NCKAP5: variants seen among roughly 807,000 people sequenced by gnomAD.
NCKAP5 encodes nck-associated protein 5.
In NCKAP5, 92 loss-of-function variants were observed where a neutral mutation model predicts 167.0. That is an observed-to-expected ratio of 0.55 (90% confidence interval 0.47 to 0.66). NCKAP5 has a LOEUF of 0.66. NCKAP5 is among the 30% of genes least tolerant of loss of function. NCKAP5 has a pLI of 0.00. For missense variants in NCKAP5, 2,378 were observed against 2,315.0 expected (o/e 1.03, Z -0.56); for synonymous variants, 891 against 877.4 (o/e 1.02, Z -0.27).
intron 11 of NCKAP5, among the ~76,000 whole-genome samples, chr2:132,848,790 A>G (rs1190778206): frequency 6.6e-6 from 1 of 152,120 alleles, no homozygotes; most frequent in African/African-American, 2.4e-5. Flanking sequence ...ACCTTTGAAT[A>G]GTTGCTGCAC....
At chr2:133,363,801 T>C (rs1244421656) in intron 3 of NCKAP5, among the ~76,000 whole-genome samples, 1 of 152,132 alleles carries the variant, frequency 6.6e-6, no homozygotes, top group Non-Finnish European at 1.5e-5. Context: ...ATGACAGTAG[T>C]AATTATACCT....
At chr2:132,940,319 T>C (rs1249818400) in intron 8 of NCKAP5, among the ~76,000 whole-genome samples, 2 of 152,184 alleles carry the variant, frequency 1.3e-5, no homozygotes, top group African/African-American at 4.8e-5. Context: ...AGACTAGAGA[T>C]GGTCCTCAAG....
chr2:132,834,071 A>G (rs1361555290), intron 11 of NCKAP5, among the ~76,000 whole-genome samples: 1 of 152,136 alleles, frequency 6.6e-6, no homozygotes, highest in African/African-American at 2.4e-5. Context: ...TATATCCTGA[A>G]ACTTTACTGA....
intron 3 of NCKAP5, among the ~76,000 whole-genome samples, chr2:133,394,446 G>T (rs1158240776): frequency 6.6e-6 from 1 of 152,172 alleles, no homozygotes; most frequent in Non-Finnish European, 1.5e-5. Context: ...CATTGAAAGA[G>T]GCAGGTGTGG....
chr2:133,097,512 TG>T (rs2081379687), intron 6 of NCKAP5, among the ~76,000 whole-genome samples: 1 of 152,194 alleles, frequency 6.6e-6, no homozygotes, highest in Non-Finnish European at 1.5e-5. Flanking sequence ...AGAGTAAAAC[TG>T]TAAGCTCCTA....
chr2:132,955,759 T>C (rs1006948612), intron 8 of NCKAP5, among the ~76,000 whole-genome samples: 7 of 152,212 alleles, frequency 4.6e-5, no homozygotes, highest in Admixed American at 6.5e-5. Flanking sequence ...ATTGAACTAA[T>C]TTACACTCCC....
At chr2:133,222,522 T>C (rs1160524404) in intron 4 of NCKAP5, among the ~76,000 whole-genome samples, 4 of 152,198 alleles carry the variant, frequency 2.6e-5, no homozygotes, top group East Asian at 3.8e-4. Flanking sequence ...AAGGCAAATA[T>C]CATCTTAGTA....
chr2:132,814,867 T>G (rs1417351270), intron 11 of NCKAP5, among the ~76,000 whole-genome samples: 3 of 152,200 alleles, frequency 2.0e-5, no homozygotes, highest in Non-Finnish European at 4.4e-5. Flanking sequence ...TTTCCATTGT[T>G]TTTGCTTCAG....
chr2:133,174,627 T>G (rs2084378769), intron 5 of NCKAP5, among the ~76,000 whole-genome samples: 1 of 152,136 alleles, frequency 6.6e-6, no homozygotes, highest in Non-Finnish European at 1.5e-5. Context: ...GCATTCTGTG[T>G]CCTTTTGAGA....
chr2:132,854,369 A>G (rs2105501682), intron 11 of NCKAP5, among the ~76,000 whole-genome samples: 1 of 152,376 alleles, frequency 6.6e-6, no homozygotes, highest in East Asian at 1.9e-4. Context: ...ACAAAGTAAC[A>G]TATCAATGCT....
intron 3 of NCKAP5, among the ~76,000 whole-genome samples, chr2:133,498,272 C>T (rs377179606): frequency 1.3e-5 from 2 of 152,072 alleles, no homozygotes; most frequent in African/African-American, 4.8e-5. Flanking sequence ...CTGCAAAAGG[C>T]TGGGGAGGGG....
chr2:132,833,935 T>G (rs1211849435), intron 11 of NCKAP5, among the ~76,000 whole-genome samples: 1 of 152,174 alleles, frequency 6.6e-6, no homozygotes, highest in East Asian at 1.9e-4. Context: ...ATTGAATCTC[T>G]AGATTAGGGT....
chr2:132,766,753 A>T (rs1350876391), intron 16 of NCKAP5, among the ~76,000 whole-genome samples: 1 of 152,228 alleles, frequency 6.6e-6, no homozygotes, highest in Non-Finnish European at 1.5e-5. Context: ...CACAGCCATC[A>T]ACATTCTGGC....
Position 132,783,489 on chromosome 2 carries a change from T to G in NCKAP5, c.3322A>C (p.Asn1108His). 1 of 1,604,264 alleles carries G rather than the reference T, an allele frequency of 6.2e-7. No homozygotes were observed. The highest frequency in any genetic ancestry group is 8.5e-7 in the Non-Finnish European group (1 of 1,175,286). ...CTGACCTGAGATGATGGTGACTCAT[T>G]TACCCCTAAGAAGGAAGGCTTGGGG... ...TPPKPSFLGV[N>H]ESPSSQVSSS... Residue 1108 changes from asparagine to histidine, a missense_variant, in exon 14 of 20, where the codon AAT becomes CAT. Around this residue, in one of 3 missense-constraint regions of NCKAP5, gnomAD observed 1,325 missense variants for 1,274.5 expected, o/e 1.04. Coordinates refer to ENST00000409261, the MANE Select transcript of NCKAP5 (RefSeq NM_207363.3).
chr2:133,634,944 T>C, the NCKAP5 span, among the ~76,000 whole-genome samples: 1 of 151,996 alleles, frequency 6.6e-6, no homozygotes, highest in Non-Finnish European at 1.5e-5. Flanking sequence ...CTTGGCTCAC[T>C]GCAACCTCTG....
intron 3 of NCKAP5, among the ~76,000 whole-genome samples, chr2:133,415,360 C>A (rs1200887636): frequency 2.6e-5 from 4 of 152,204 alleles, no homozygotes; most frequent in Non-Finnish European, 5.9e-5. Flanking sequence ...CTGTGACATC[C>A]AAGCCAAATC....
At chr2:133,048,754 T>A (rs2079497370) in intron 6 of NCKAP5, among the ~76,000 whole-genome samples, 1 of 152,224 alleles carries the variant, frequency 6.6e-6, no homozygotes, top group Non-Finnish European at 1.5e-5. Context: ...ACAATTGTTA[T>A]TACTACTCAT....
chr2:133,000,923 G>C (rs1003227745), intron 6 of NCKAP5, among the ~76,000 whole-genome samples: 2 of 152,086 alleles, frequency 1.3e-5, no homozygotes, highest in African/African-American at 4.8e-5. Flanking sequence ...TTCTAGTATA[G>C]GCAAAATTAG....
At chr2:133,547,667 CCTGT>C (rs1338641983) in intron 2 of NCKAP5, among the ~76,000 whole-genome samples, 3 of 151,456 alleles carry the variant, frequency 2.0e-5, no homozygotes, top group Admixed American at 2.0e-4. Context: ...AGCTGAGGTT[CCTGT>C]CTGTTAGAAG....
Sources: allele counts gnomAD v4.1 joint callset (sites outside exome capture counted in the v4.1 genomes callset), GRCh38; gene constraint gnomAD v4.1.1; regional missense constraint gnomAD v4.1.1; transcripts MANE v1.5; gene names NCBI Gene and HGNC (gene_info 2026-07-23, HGNC 2026-07-21).